Variants in SLC8A3 observed in about 807,000 individuals in gnomAD.
SLC8A3 encodes solute carrier family 8 member A3.
In SLC8A3, 37 loss-of-function variants were observed where a neutral mutation model predicts 65.4. That is an observed-to-expected ratio of 0.57 (90% CI 0.44 to 0.74). SLC8A3 has a LOEUF of 0.74. Ranked by LOEUF, SLC8A3 falls within the 30% of genes least tolerant of loss-of-function variation. The probability of loss-of-function intolerance (pLI) is 0.00; values close to 1 mark genes in which losing one functional copy is unlikely to be tolerated. For missense variants in SLC8A3, 1,112 were observed against 1,172.1 expected, an observed-to-expected ratio of 0.95 and a Z score of 0.75; for synonymous variants, 461 against 444.5, an observed-to-expected ratio of 1.04 and a Z score of -0.47.
chr14:70,053,424 A>G (rs1393077745), intron 3 of SLC8A3, among the ~76,000 whole-genome samples: 1 of 152,200 alleles, frequency 6.6e-6, no homozygotes, highest in Non-Finnish European at 1.5e-5. Context: ...CTCTGGGAAA[A>G]AGCCCTTAGA....
chr14:70,060,952 CAA>C lies in SLC8A3; in HGVS notation c.1785-15_1785-14del, dbSNP rs1888736394. The C allele has an allele frequency of 1.6e-6, 2 of 1,232,558 alleles. No individual in the cohort carries two copies. The highest frequency in any genetic ancestry group is 1.5e-5 in the South Asian group (1 of 67,054). 76.4% of individuals were successfully genotyped at this position (1,232,558 alleles called of 1,614,324 possible). A position where few individuals can be genotyped will look rare whatever the true frequency, so the allele number is the denominator to read the frequency against. ...CCTTATGGTTTTCCTGTAGGGACAA[CAA>C]GAGAGAGAGTGTGTCGACTGGGTCG... On this transcript the variant is annotated splice_polypyrimidine_tract_variant and intron_variant, in intron 2 of 6. Coordinates refer to ENST00000356921, the MANE Select transcript of SLC8A3 (RefSeq NM_182932.3).
chr14:70,094,387 A>G (rs970070826), intron 2 of SLC8A3, among the ~76,000 whole-genome samples: 1 of 152,218 alleles, frequency 6.6e-6, no homozygotes, highest in African/African-American at 2.4e-5. Flanking sequence ...CTCCATAAAT[A>G]TCAGTTTCCT....
intron 2 of SLC8A3, among the ~76,000 whole-genome samples, chr14:70,140,065 C>T (rs8015011): frequency 0.12 from 17,640 of 152,184 alleles, 1,232 homozygotes; most frequent in Non-Finnish European, 0.16. Context: ...TTTTTATCAT[C>T]ATTTTGCACC....
chr14:70,164,871 A>T (rs1419952576), intron 2 of SLC8A3, among the ~76,000 whole-genome samples: 1 of 152,204 alleles, frequency 6.6e-6, no homozygotes, highest in Non-Finnish European at 1.5e-5. Flanking sequence ...ATTTGTATGT[A>T]TAAACACTCT....
chr14:70,110,533 T>C (rs1431512047), intron 2 of SLC8A3, among the ~76,000 whole-genome samples: 1 of 152,202 alleles, frequency 6.6e-6, no homozygotes, highest in Non-Finnish European at 1.5e-5. Context: ...CATTCTTTTT[T>C]TTTATTGAAT....
At chr14:70,062,128 T>C (rs543507964) in intron 2 of SLC8A3, among the ~76,000 whole-genome samples, 103 of 2,390 alleles carry the variant, frequency 0.043, 2 homozygotes, top group African/African-American at 0.12. Flanking sequence ...GGGGGGGAGA[T>C]TGGGGGAGGG....
At chr14:70,166,009 A>G (rs945732441) in intron 2 of SLC8A3, among the ~76,000 whole-genome samples, 3 of 152,224 alleles carry the variant, frequency 2.0e-5, no homozygotes, top group Non-Finnish European at 2.9e-5. Flanking sequence ...ACTCAATTCA[A>G]CTAGGCTGGG....
chr14:70,049,919 A>G (rs1195102684), intron 5 of SLC8A3, among the ~76,000 whole-genome samples: 2 of 152,348 alleles, frequency 1.3e-5, no homozygotes, highest in East Asian at 3.9e-4. Context: ...ATGTGGGCAG[A>G]GTTGCCCACT....
intron 2 of SLC8A3, among the ~76,000 whole-genome samples, chr14:70,149,780 TCTC>T (rs1486935665): frequency 6.6e-6 from 1 of 152,096 alleles, no homozygotes; most frequent in Admixed American, 6.5e-5. Context: ...CTTCTTTTAT[TCTC>T]CTTCACTTTC....
chr14:70,104,799 C>T (rs953076678), intron 2 of SLC8A3, among the ~76,000 whole-genome samples: 6 of 151,868 alleles, frequency 4.0e-5, no homozygotes, highest in African/African-American at 1.5e-4. Flanking sequence ...ACAGCTAAGG[C>T]AGTGCTTAAA....
At chr14:70,172,694 A>AG (rs1179591032) in intron 1 of SLC8A3, among the ~76,000 whole-genome samples, 6 of 152,016 alleles carry the variant, frequency 3.9e-5, no homozygotes, top group Non-Finnish European at 8.8e-5. Context: ...AAAAAAAAAA[A>AG]AGAGAGACAC....
chr14:70,083,666 ACAGCC>A (rs1891220638), intron 2 of SLC8A3, among the ~76,000 whole-genome samples: 1 of 152,206 alleles, frequency 6.6e-6, no homozygotes, highest in Non-Finnish European at 1.5e-5. Context: ...TATTCTCTTA[ACAGCC>A]CAGTGAAGTC....
intron 2 of SLC8A3, among the ~76,000 whole-genome samples, chr14:70,163,020 C>T (rs1012140175): frequency 1.3e-5 from 2 of 152,162 alleles, no homozygotes; most frequent in African/African-American, 2.4e-5. Flanking sequence ...ACCCTTTGAT[C>T]CTCTCCACTT....
intron 2 of SLC8A3, among the ~76,000 whole-genome samples, chr14:70,140,112 C>T (rs17107811): frequency 6.6e-6 from 1 of 152,016 alleles, no homozygotes; most frequent in Non-Finnish European, 1.5e-5. Flanking sequence ...AATGGAAGGG[C>T]AGAATAATTT....
chr14:70,145,931 AGAAG>A lies in SLC8A3; in HGVS notation c.1784+20704_1784+20707del, dbSNP rs758465525. Among the ~76,000 whole-genome samples, 464 of 144,926 alleles carry A rather than the reference AGAAG, an allele frequency of 3.2e-3. 2 individuals carry two copies. Among genetic ancestry groups the A allele is most frequent in the Non-Finnish European group, 5.5e-3 (362 of 65,632 alleles). On this transcript the variant is annotated intron_variant, in intron 2 of 6. Transcript: ENST00000356921. The stretch of plus-strand genomic sequence containing the variant: ...CTGGTTTTAAAGCAGATGGAAGGAA[AGAAG>A]GAAGGAAGGAAGGAAGGAAAAGAGG...
intron 2 of SLC8A3, among the ~76,000 whole-genome samples, chr14:70,092,006 C>A (rs1299105479): frequency 1.3e-5 from 2 of 152,188 alleles, no homozygotes; most frequent in Non-Finnish European, 2.9e-5. Flanking sequence ...TCCTATGCAA[C>A]CCTCACAGAC....
At chr14:70,176,653 T>C (rs1443920597) in intron 1 of SLC8A3, among the ~76,000 whole-genome samples, 1 of 152,236 alleles carries the variant, frequency 6.6e-6, no homozygotes, top group Non-Finnish European at 1.5e-5. Context: ...TTCTATGCGC[T>C]GGACAAACAT....
chr14:70,096,239 C>T (rs1320922933), intron 2 of SLC8A3, among the ~76,000 whole-genome samples: 2 of 152,090 alleles, frequency 1.3e-5, no homozygotes, highest in Non-Finnish European at 2.9e-5. Context: ...TTACTGGGTT[C>T]CTGCTTCTTA....
intron 2 of SLC8A3, among the ~76,000 whole-genome samples, chr14:70,145,882 C>T (rs772890823): frequency 5.3e-5 from 8 of 149,996 alleles, no homozygotes; most frequent in African/African-American, 7.4e-5. Context: ...TAATGAGGGG[C>T]GCCAAGACAA....
Sources: gnomAD v4.1 joint callset for allele counts (sites outside exome capture counted in the v4.1 genomes callset) on GRCh38, gnomAD v4.1.1 for gene constraint, MANE v1.5 for transcripts, NCBI Gene and HGNC (gene_info 2026-07-23, HGNC 2026-07-21) for gene names.